DDIAS: variants seen among roughly 807,000 people sequenced by gnomAD.
DDIAS encodes DNA damage induced apoptosis suppressor.
Under a neutral mutation model 15.7 loss-of-function variants are expected in DDIAS, and 14 were observed. The ratio of observed to expected loss-of-function variants is 0.89; its 90% CI spans 0.59 to 1.39. The LOEUF (loss-of-function observed/expected upper bound fraction) is 1.39. Ranked by LOEUF, DDIAS falls within the 40% of genes most tolerant of loss-of-function variation. DDIAS has a pLI of 0.00. For synonymous variants in DDIAS, 355 were observed against 395.9 expected (o/e 0.90, Z 1.23); for missense variants, 1,035 against 1,130.9 (o/e 0.92, Z 1.22).
chr11:82,901,869 C>T (rs1194049264), intron 1 of DDIAS, 47 bp downstream of exon 1: 1 of 152,174 alleles, frequency 6.6e-6, no homozygotes, highest in East Asian at 1.9e-4. Context: ...GCCGGAGACT[C>T]CTAAGGAGGC....
chr11:82,928,922 GC>G lies in DDIAS; in HGVS notation c.261del (p.Thr88LeufsTer26). The G allele has an allele frequency of 6.2e-7, 1 of 1,611,906 alleles. No homozygotes were observed. Among genetic ancestry groups the G allele is most frequent in the Non-Finnish European group, 8.5e-7 (1 of 1,179,490 alleles). On this transcript the variant is annotated frameshift_variant, in exon 4 of 6. Coordinates refer to ENST00000533655, the MANE Select transcript of DDIAS (RefSeq NM_145018.4). LOFTEE classifies it high-confidence loss of function. The part of the protein sequence containing the change: ...SCLDTFFGLT[A>X]TGLHRYIQDP... ...CTTAGATACATTTTTTGGTCTTACT[GC>G]CACTGGTTTGCACAGGTAAGAATAC...
rs1860990453 is a variant in DDIAS, at chr11:82,931,745, A to G, written c.407A>G (p.Gln136Arg). ...FIFGVTNFEN[Q>R]PGQGSDASNF... ...CTTCTTTCACAGAATTTTGAAAACC[A>G]ACCTGGACAAGGTTCAGATGCCAGT... The change falls in exon 6 of 6, where the codon CAA (glutamine) becomes CGA (arginine). Residue 136 changes from glutamine (Q) to arginine (R), a missense_variant. By Grantham distance (43) the Gln-to-Arg change is conservative (BLOSUM62 1). Coordinates refer to ENST00000533655, the MANE Select transcript of DDIAS (RefSeq NM_145018.4). 6.3e-7 allele frequency: 1 copy of G among 1,577,588 alleles called. No homozygotes were observed. Among genetic ancestry groups the G allele is most frequent in the Non-Finnish European group, 8.6e-7 (1 of 1,165,944 alleles).
At chr11:82,906,657 A>G (rs1029843350) in intron 1 of DDIAS, among the ~76,000 whole-genome samples, 10 of 152,170 alleles carry the variant, frequency 6.6e-5, no homozygotes, top group African/African-American at 2.4e-4. Context: ...GTTGTGGTAC[A>G]GTATAAAATT....
chr11:82,934,210 C>T lies in DDIAS; in HGVS notation c.2872C>T (p.Gln958Ter). 6.2e-7 allele frequency: 1 copy of T among 1,614,154 alleles called. No individual in the cohort carries two copies. The highest frequency in any genetic ancestry group is 8.5e-7 in the Non-Finnish European group (1 of 1,180,004). The part of the protein sequence containing the change: ...CPDIQVLAAP[Q>*]LHPILGPDSC... Reference sequence around the variant, plus strand: ...AGACATTCAAGTCTTAGCAGCACCTCAGCTGCACCCTATTCTTGGACCTGA... The same window carrying T: ...AGACATTCAAGTCTTAGCAGCACCTTAGCTGCACCCTATTCTTGGACCTGA... Residue 958 changes from glutamine (Q) to a stop codon, truncating the protein, a stop_gained, in exon 6 of 6, where the codon CAG becomes TAG. Coordinates refer to ENST00000533655, the MANE Select transcript of DDIAS (RefSeq NM_145018.4). LOFTEE classifies it low-confidence loss of function (END_TRUNC).
At chr11:82,919,672 C>T (rs564211559) in intron 3 of DDIAS, among the ~76,000 whole-genome samples, 1 of 152,318 alleles carries the variant, frequency 6.6e-6, no homozygotes, top group African/African-American at 2.4e-5. Context: ...AGGATTGGTA[C>T]CAATTCTTCT....
chr11:82,925,593 G>A (rs1860841891), intron 3 of DDIAS, among the ~76,000 whole-genome samples: 1 of 151,770 alleles, frequency 6.6e-6, no homozygotes, highest in African/African-American at 2.4e-5. Flanking sequence ...ATGAGACCCT[G>A]TCTGAAAACA....
chr11:82,932,698 T>C lies in DDIAS; in HGVS notation c.1360T>C (p.Phe454Leu), dbSNP rs1397663582. The stretch of plus-strand genomic sequence containing the variant: ...TCATGTAGATAATGACATTGATAAA[T>C]TTCATGCAGACCACAGCAGGTTATC... The part of the protein sequence containing the change: ...KHHVDNDIDK[F>L]HADHSRLSVT... Residue 454 changes from phenylalanine to leucine, a missense_variant, in exon 6 of 6, where the codon TTT becomes CTT. Phe to Leu is a conservative substitution (Grantham distance 22). Transcript: ENST00000533655. The C allele has an allele frequency of 3.1e-6, 5 of 1,613,948 alleles. No individual in the cohort carries two copies. The East Asian group carries it at 1.1e-4, about 36-fold the overall frequency.
intron 4 of DDIAS, 92 bp from the exon 5 acceptor site, chr11:82,930,065 C>A: frequency 1.4e-6 from 1 of 719,392 alleles, no homozygotes; most frequent in South Asian, 1.9e-5. Context: ...AAGGTTCATG[C>A]TGCATTTTCA....
Position 82,934,056 on chromosome 11 carries a change from A to ACATATTAGAC in DDIAS, c.2719_2728dup (p.Gln910ProfsTer3), listed in dbSNP as rs1367908297. 1 of 1,613,306 alleles carries ACATATTAGAC rather than the reference A, an allele frequency of 6.2e-7. No individual in the cohort carries two copies. Among genetic ancestry groups the ACATATTAGAC allele is most frequent in the Admixed American group, 1.7e-5 (1 of 59,880 alleles). ...AAGAGTTACCAAGAAAGAAACTGAAACATATTAGACAAGGAACCAATAAAG... is the reference window on the plus strand; with the variant it reads ...AAGAGTTACCAAGAAAGAAACTGAAACATATTAGACCATATTAGACAAGGAACCAATAAAG... On this transcript the variant is annotated frameshift_variant, in exon 6 of 6. Coordinates refer to ENST00000533655, the MANE Select transcript of DDIAS (RefSeq NM_145018.4). LOFTEE classifies it low-confidence loss of function (END_TRUNC).
intron 3 of DDIAS, among the ~76,000 whole-genome samples, chr11:82,921,478 A>G (rs1349088347): frequency 6.8e-6 from 1 of 148,010 alleles, no homozygotes; most frequent in Non-Finnish European, 1.5e-5. Context: ...TAGGTCCTTC[A>G]TGATTTATGC....
chr11:82,932,101 AATG>A lies in DDIAS; in HGVS notation c.769_771del (p.Asp257del), dbSNP rs761217983. Reference sequence around the variant, plus strand: ...TTGCATTGTTTCACAACTAACAGATAATGATGATTTTTCAGCTTCAGAACAAAG... The same window carrying A: ...TTGCATTGTTTCACAACTAACAGATAATGATTTTTCAGCTTCAGAACAAAG... On this transcript the variant is annotated inframe_deletion, in exon 6 of 6. Transcript: ENST00000533655. 19 of 1,614,186 alleles carry A rather than the reference AATG, an allele frequency of 1.2e-5. No individual in the cohort carries two copies. Among genetic ancestry groups the A allele is most frequent in the Non-Finnish European group, 1.6e-5 (19 of 1,180,020 alleles).
intron 2 of DDIAS, chr11:82,914,024 C>G (rs1860577886): frequency 2.5e-6 from 1 of 407,490 alleles, no homozygotes; most frequent in Middle Eastern, 8.3e-4. Context: ...GCAACCTCCG[C>G]ATCCTAGGTT....
At chr11:82,911,027 G>T (rs1860522653) in intron 1 of DDIAS, among the ~76,000 whole-genome samples, 1 of 152,046 alleles carries the variant, frequency 6.6e-6, no homozygotes, top group Admixed American at 6.6e-5. Context: ...ATAGCATTAT[G>T]TCTAAAAAAT....
Position 82,928,870 on chromosome 11 carries a change from G to C in DDIAS, c.207G>C (p.Leu69Phe), listed in dbSNP as rs547199855. The change falls in exon 4 of 6, where the codon TTG (leucine) becomes TTC (phenylalanine). Residue 69 changes from leucine to phenylalanine, a missense_variant. Physicochemically the swap from Leu to Phe is conservative, Grantham distance 22. Transcript: ENST00000533655. ...LSLKVAESNK[L>F]FVITVFGSCL... ...TAAAAGTTGCAGAATCAAACAAATT[G>C]TTTGTTATTACTGTATTTGGAAGTT... 1 of 1,612,158 alleles carries C rather than the reference G, an allele frequency of 6.2e-7. No homozygotes were observed. Among genetic ancestry groups the C allele is most frequent in the Admixed American group, 1.7e-5 (1 of 59,640 alleles).
intron 3 of DDIAS, among the ~76,000 whole-genome samples, chr11:82,915,368 G>A (rs1860611280): frequency 6.6e-6 from 1 of 152,182 alleles, no homozygotes; most frequent in Admixed American, 6.6e-5. Context: ...GATCTTTATA[G>A]AGTAGAAACG....
intron 5 of DDIAS, 136 bp from the exon 6 acceptor site, chr11:82,931,596 T>C (rs1446764106): frequency 5.6e-6 from 4 of 715,554 alleles, no homozygotes; most frequent in Admixed American, 3.0e-5. Flanking sequence ...GAGGCTCAAG[T>C]GATCTGCCTG....
intron 3 of DDIAS, among the ~76,000 whole-genome samples, chr11:82,918,299 A>C (rs1037453015): frequency 2.0e-5 from 3 of 152,164 alleles, no homozygotes; most frequent in East Asian, 1.9e-4. Flanking sequence ...ATTCTCCTAC[A>C]TGTGGCTAGC....
chr11:82,913,089 G>C (rs1860557541), intron 1 of DDIAS, among the ~76,000 whole-genome samples, 198 bp from the exon 2 acceptor site: 1 of 152,092 alleles, frequency 6.6e-6, no homozygotes. Flanking sequence ...GAAATATTGT[G>C]AGAATTACCA....
intron 3 of DDIAS, among the ~76,000 whole-genome samples, chr11:82,920,893 T>C (rs2121342547): frequency 6.6e-6 from 1 of 152,364 alleles, no homozygotes; most frequent in African/African-American, 2.4e-5. Flanking sequence ...GTTAAGTTCA[T>C]TTGTTCCAAG....
Sources: allele counts gnomAD v4.1 joint callset (sites outside exome capture counted in the v4.1 genomes callset), GRCh38; gene constraint gnomAD v4.1.1; transcripts MANE v1.5; gene names NCBI Gene and HGNC (gene_info 2026-07-23, HGNC 2026-07-21).